LRP8: variants seen among roughly 807,000 people sequenced by gnomAD.
LRP8 encodes the protein LDL receptor related protein 8, also known as low-density lipoprotein receptor-related protein 8.
In LRP8, 46 loss-of-function variants were observed where a neutral mutation model predicts 111.6. The observed-to-expected ratio is 0.41, with a 90% CI of 0.33 to 0.53. LRP8 has a LOEUF of 0.53. Ranked by LOEUF, LRP8 falls within the 20% of genes least tolerant of loss-of-function variation. The pLI, the probability that LRP8 is intolerant of heterozygous loss-of-function variation, is 0.20. For synonymous variants in LRP8, 464 were observed against 511.2 expected, an observed-to-expected ratio of 0.91 and a Z score of 1.24; for missense variants, 959 against 1,297.4, an observed-to-expected ratio of 0.74 and a Z score of 4.01.
chr1:53,258,146 GGGGGCATGAGCATTCAAGGAA>G, intron 14 of LRP8, 152 bp downstream of exon 14: 2 of 525,086 alleles, frequency 3.8e-6, no homozygotes, highest in Non-Finnish European at 6.6e-6. Context: ...GAAGGATCCT[GGGGGCATGAGCATTCAAGGAA>G]GGTAAAAAAG....
At chr1:53,292,801 G>C (rs1649029026) in intron 2 of LRP8, among the ~76,000 whole-genome samples, 2 of 152,122 alleles carry the variant, frequency 1.3e-5, no homozygotes, top group East Asian at 1.9e-4. Flanking sequence ...GTCACAGCTG[G>C]GGGGAGCAGG....
rs1375225470 is a variant in LRP8 at position 53,244,522 on chromosome 1, A to G, written c.*2496T>C. The G allele has an allele frequency of 6.6e-6, 1 of 152,254 alleles. No individual in the cohort carries two copies. Among genetic ancestry groups the G allele is most frequent in the African/African-American group, 2.4e-5 (1 of 41,476 alleles). 9.4% of individuals were successfully genotyped at this position (152,254 alleles called of 1,614,324 possible). ...CATCTTATTTACTGCCGTCCAACACATGAATATATCACAATTTGTTTCTTG... is the reference window on the plus strand; with the variant it reads ...CATCTTATTTACTGCCGTCCAACACGTGAATATATCACAATTTGTTTCTTG... On this transcript the variant is annotated 3_prime_UTR_variant, in exon 19 of 19. Transcript: ENST00000306052.
chr1:53,326,486 T>C (rs1056391364), intron 2 of LRP8, among the ~76,000 whole-genome samples: 5 of 152,120 alleles, frequency 3.3e-5, no homozygotes, highest in Admixed American at 1.3e-4. Flanking sequence ...CGTGGAACTT[T>C]GAAACACGCG....
chr1:53,298,140 C>G (rs1462293676), intron 2 of LRP8, among the ~76,000 whole-genome samples: 2 of 152,216 alleles, frequency 1.3e-5, no homozygotes, highest in African/African-American at 2.4e-5. Context: ...AGCACCTCCT[C>G]CAGGCCCCAG....
At position 53,242,385 on chromosome 1, in the gene LRP8, C is replaced by A. The variant is rs540363005; in HGVS notation, c.*4633G>T. The A allele has an allele frequency of 1.3e-5, 2 of 152,094 alleles. No individual in the cohort carries two copies. The highest frequency in any genetic ancestry group is 4.8e-5 in the African/African-American group (2 of 41,416). The allele number at this position is 152,094 out of a possible 1,614,324, so 9.4% of individuals were successfully genotyped here. ...AAGATTTTTTTTAAATGAATTTAAT[C>A]TCTCTCTAGAAACAGTGCACTGATT... On this transcript the variant is annotated 3_prime_UTR_variant, in exon 19 of 19. Coordinates refer to ENST00000306052, the MANE Select transcript of LRP8 (RefSeq NM_004631.5).
intron 2 of LRP8, among the ~76,000 whole-genome samples, chr1:53,314,832 G>A (rs897576653): frequency 3.9e-5 from 6 of 152,172 alleles, no homozygotes; most frequent in African/African-American, 1.2e-4. Flanking sequence ...CCTTCACCAG[G>A]GCCTGCTCTG....
intron 2 of LRP8, chr1:53,304,771 A>T (rs1442430433): frequency 2.6e-5 from 4 of 152,494 alleles, no homozygotes; most frequent in Admixed American, 6.5e-5. Context: ...GCCCCAGCTC[A>T]GCACCTCCAA....
At position 53,279,744 on chromosome 1, in the gene LRP8, C is replaced by G. The variant is rs568747464; in HGVS notation, c.496+843G>C. Among the ~76,000 whole-genome samples, 1 of 152,306 alleles carries G rather than the reference C, an allele frequency of 6.6e-6. No individual in the cohort carries two copies. The highest frequency in any genetic ancestry group is 1.9e-4 in the East Asian group (1 of 5,184). On this transcript the variant is annotated intron_variant, in intron 4 of 18. Coordinates refer to ENST00000306052, the MANE Select transcript of LRP8 (RefSeq NM_004631.5). This position sits in a 1 kb window ranked among gnomAD's most constrained non-coding sequence, Gnocchi z 4.4. ...TGGCAAGCCCTCCAGGGTGACCGCC[C>G]GTATTTCAGCCCAGCCGCACAGCCT...
chr1:53,307,676 T>C (rs1652240122), intron 2 of LRP8, among the ~76,000 whole-genome samples: 1 of 152,220 alleles, frequency 6.6e-6, no homozygotes, highest in Non-Finnish European at 1.5e-5. Flanking sequence ...CATATGATGC[T>C]CACACACTGC....
Position 53,258,410 on chromosome 1 carries a change from A to T in LRP8, c.2118T>A (p.Pro706=), listed in dbSNP as rs766157467. 1 of 1,614,128 alleles carries T rather than the reference A, an allele frequency of 6.2e-7. No homozygotes were observed. The highest frequency in any genetic ancestry group is 8.5e-7 in the Non-Finnish European group (1 of 1,179,994). ...PNGGCEYLCL[P]APQISSHSPK... ...GAGAGTGGCTGGAGATCTGAGGAGC[A>T]GGAAGGCACAGGTATTCACAGCCTC... Residue 706 remains proline, a synonymous_variant, in exon 14 of 19, where the codon CCT becomes CCA. Coordinates refer to ENST00000306052, the MANE Select transcript of LRP8 (RefSeq NM_004631.5).
intron 2 of LRP8, among the ~76,000 whole-genome samples, chr1:53,324,423 C>T (rs912042523): frequency 6.6e-6 from 1 of 152,180 alleles, no homozygotes; most frequent in Non-Finnish European, 1.5e-5. Context: ...GGTGGGAACA[C>T]TCATCCATCC....
intron 3 of LRP8, among the ~76,000 whole-genome samples, chr1:53,285,607 G>A (rs1408518409): frequency 6.6e-6 from 1 of 152,292 alleles, no homozygotes; most frequent in South Asian, 2.1e-4. Context: ...TACACTCAGA[G>A]CCTGGAACAA....
intron 2 of LRP8, among the ~76,000 whole-genome samples, chr1:53,311,604 CCCCAGTGTG>C (rs1653011411): frequency 8.0e-6 from 1 of 124,250 alleles, no homozygotes; most frequent in South Asian, 2.2e-4. Flanking sequence ...CCCCCAGCCT[CCCCAGTGTG>C]CTCCCCAGCC....
At chr1:53,287,464 C>G (rs926343428) in intron 3 of LRP8, among the ~76,000 whole-genome samples, 3 of 152,134 alleles carry the variant, frequency 2.0e-5, no homozygotes, top group Admixed American at 6.5e-5. Flanking sequence ...CGGAGTGTTA[C>G]TGATCAGGGC....
intron 3 of LRP8, among the ~76,000 whole-genome samples, chr1:53,287,710 C>T (rs559784633): frequency 6.6e-6 from 1 of 152,172 alleles, no homozygotes; most frequent in Non-Finnish European, 1.5e-5. Context: ...TGTCCCTCAA[C>T]TGTGAAAAGC....
chr1:53,280,561 C>T (rs776911156), intron 4 of LRP8, 26 bp downstream of exon 4: 11 of 1,607,860 alleles, frequency 6.8e-6, no homozygotes, highest in East Asian at 2.2e-5. Flanking sequence ...GCTTGGCAGA[C>T]CCTGGAGATC....
intron 2 of LRP8, among the ~76,000 whole-genome samples, chr1:53,301,433 A>G (rs1650835480): frequency 6.6e-6 from 1 of 152,200 alleles, no homozygotes; most frequent in African/African-American, 2.4e-5. Context: ...CTTAAAAGGC[A>G]TGAACTGGCC....
intron 2 of LRP8, among the ~76,000 whole-genome samples, chr1:53,304,111 T>G (rs1388439404): frequency 1.3e-5 from 2 of 152,128 alleles, no homozygotes; most frequent in African/African-American, 4.8e-5. Flanking sequence ...TAAAGGAAAT[T>G]AAGGCATAAT....
At chr1:53,304,235 G>T (rs545597016) in intron 2 of LRP8, among the ~76,000 whole-genome samples, 4 of 152,290 alleles carry the variant, frequency 2.6e-5, no homozygotes, top group Admixed American at 6.5e-5. Context: ...GTGGCCCAGG[G>T]CTCATCTGGA....
Sources: allele counts gnomAD v4.1 joint callset (sites outside exome capture counted in the v4.1 genomes callset), GRCh38; gene constraint gnomAD v4.1.1; non-coding constraint Gnocchi (gnomAD v3.1); transcripts MANE v1.5; gene names NCBI Gene and HGNC (gene_info 2026-07-23, HGNC 2026-07-21).